Variants in ECT2L observed in about 807,000 individuals in gnomAD.
ECT2L encodes epithelial cell-transforming sequence 2 oncogene-like.
ECT2L carries 126 observed loss-of-function variants against 122.8 expected under a neutral mutation model. The observed-to-expected ratio is 1.03, with a 90% CI of 0.89 to 1.19. ECT2L has a LOEUF of 1.19. Among genes scored for constraint, ECT2L ranks in the 50% most tolerant of loss-of-function variants. The pLI is 0.00. For missense variants in ECT2L, 1,012 were observed against 1,064.1 expected, an observed-to-expected ratio of 0.95 and a Z score of 0.68; for synonymous variants, 385 against 381.8, an observed-to-expected ratio of 1.01 and a Z score of -0.10.
chr6:138,853,402 T>C (rs1777515000), intron 9 of ECT2L, among the ~76,000 whole-genome samples: 1 of 152,198 alleles, frequency 6.6e-6, no homozygotes, highest in African/African-American at 2.4e-5. Context: ...CCCTGTCACA[T>C]GAAGAAGTCC....
chr6:138,902,395 G>A, intron 21 of ECT2L, 105 bp from the exon 22 acceptor site: 2 of 1,065,302 alleles, frequency 1.9e-6, no homozygotes, highest in Non-Finnish European at 2.7e-6. Context: ...TTCTTTTTAG[G>A]TTTTAAAAAA....
intron 5 of ECT2L, among the ~76,000 whole-genome samples, chr6:138,841,600 G>A (rs1312252417): frequency 6.6e-6 from 1 of 152,178 alleles, no homozygotes; most frequent in Non-Finnish European, 1.5e-5. Context: ...GAATGCCTAA[G>A]ATTCTTTTTT....
rs570063436 is a variant in ECT2L, at chr6:138,820,199, G to C, written c.179+5596G>C. 2.6e-5 allele frequency among the ~76,000 whole-genome samples: 4 copies of C among 152,258 alleles called. No individual in the cohort carries two copies. The South Asian group carries it at 6.2e-4, about 24-fold the overall frequency. Reference sequence around the variant, plus strand: ...GTCAGGGTTGGACTAAATTCATCATGATCACTGCCTCCCCTGGATGGTGTC... The same window carrying C: ...GTCAGGGTTGGACTAAATTCATCATCATCACTGCCTCCCCTGGATGGTGTC... On this transcript the variant is annotated intron_variant, in intron 4 of 21. Coordinates refer to ENST00000541398, the MANE Select transcript of ECT2L (RefSeq NM_001077706.3).
At position 138,847,435 on chromosome 6, in the gene ECT2L, A is replaced by G. The variant is rs545959798; in HGVS notation, c.903+758A>G. 2.4e-3 allele frequency among the ~76,000 whole-genome samples: 284 copies of G among 118,710 alleles called. 2 individuals are homozygous for G. The highest frequency in any genetic ancestry group is 8.9e-3 in the African/African-American group (270 of 30,416). The allele number at this position is 118,710 out of a possible 152,430, so 77.9% of individuals were successfully genotyped here. A position where few individuals can be genotyped will look rare whatever the true frequency, so the allele number is the denominator to read the frequency against. The stretch of plus-strand genomic sequence containing the variant: ...GCCCAGGCTGGAGTGCAGTGGCGCA[A>G]TCTCGGCTCACTGCCAGCTCTGCCT... On this transcript the variant is annotated intron_variant, in intron 8 of 21. Coordinates refer to ENST00000541398, the MANE Select transcript of ECT2L (RefSeq NM_001077706.3).
rs372283078 is a variant in ECT2L, at chr6:138,889,858, A to T, written c.2414+827A>T. On this transcript the variant is annotated intron_variant, in intron 20 of 21. Coordinates refer to ENST00000541398, the MANE Select transcript of ECT2L (RefSeq NM_001077706.3). ...TACTCCTTTAGAACAAGGATGGGCA[A>T]ACTTTTCTGTAAAGGTTCACATAGT... 2.0e-5 allele frequency among the ~76,000 whole-genome samples: 3 copies of T among 152,346 alleles called. 1 individual carries two copies.
At chr6:138,897,599 CATT>C (rs1479940735) in intron 20 of ECT2L, among the ~76,000 whole-genome samples, 1 of 152,110 alleles carries the variant, frequency 6.6e-6, no homozygotes, top group Non-Finnish European at 1.5e-5. Flanking sequence ...TGTGGATAAA[CATT>C]GTTGGAGATC....
chr6:138,862,672 C>T lies in ECT2L; in HGVS notation c.1244C>T (p.Thr415Met), dbSNP rs777238666. The T allele has an allele frequency of 8.1e-6, 13 of 1,614,058 alleles. No individual in the cohort carries two copies. Among genetic ancestry groups the T allele is most frequent in the East Asian group, 4.5e-5 (2 of 44,900 alleles). ...VLSQLSQLTG[T>M]FFTAPTGIAT... ...TCCCAGCTGTCTCAACTAACTGGCA[C>T]GTTCTTTACGGCCCCCACTGGGATT... The change falls in exon 11 of 22, where the codon ACG becomes ATG. Residue 415 changes from threonine (T) to methionine (M), a missense_variant. Coordinates refer to ENST00000541398, the MANE Select transcript of ECT2L (RefSeq NM_001077706.3).
rs892649682 is a variant in ECT2L, at chr6:138,889,035, A to G, written c.2414+4A>G. 6 of 1,508,552 alleles carry G rather than the reference A, an allele frequency of 4.0e-6. No homozygotes were observed. The African/African-American group carries it at 8.4e-5, about 21-fold the overall frequency. 93.4% of individuals were successfully genotyped at this position (1,508,552 alleles called of 1,614,324 possible). On this transcript the variant is annotated splice_donor_region_variant and intron_variant, in intron 20 of 21. Transcript: ENST00000541398. ...AAGAAATAAGTTTCTCTTTAAGGTA[A>G]ACAATAGTTAACTATCCTAAGGCTG...
chr6:138,881,616 C>T (rs1430353936), intron 15 of ECT2L, among the ~76,000 whole-genome samples: 1 of 151,672 alleles, frequency 6.6e-6, no homozygotes, highest in Non-Finnish European at 1.5e-5. Flanking sequence ...GAGCCCTGAG[C>T]TTGTTTTCCT....
chr6:138,807,177 T>C (rs1775741849), intron 1 of ECT2L, among the ~76,000 whole-genome samples: 1 of 151,938 alleles, frequency 6.6e-6, no homozygotes, highest in Non-Finnish European at 1.5e-5. Context: ...TTTTGCCATG[T>C]TGTCCAAGCT....
At chr6:138,832,732 G>A (rs1321375609) in intron 4 of ECT2L, among the ~76,000 whole-genome samples, 1 of 151,394 alleles carries the variant, frequency 6.6e-6, no homozygotes, top group Non-Finnish European at 1.5e-5. Context: ...CCCATTTAGT[G>A]TCCTTGTGTT....
intron 14 of ECT2L, among the ~76,000 whole-genome samples, chr6:138,878,324 C>T (rs920407324): frequency 6.6e-6 from 1 of 152,080 alleles, no homozygotes; most frequent in South Asian, 2.1e-4. Context: ...CACACACACA[C>T]ACACACACAT....
intron 20 of ECT2L, among the ~76,000 whole-genome samples, chr6:138,891,151 TAA>T (rs1779010154): frequency 6.6e-6 from 1 of 152,166 alleles, no homozygotes; most frequent in African/African-American, 2.4e-5. Context: ...ACAGAGATCT[TAA>T]GACTGATAAA....
chr6:138,812,640 A>G (rs960168084), intron 1 of ECT2L, among the ~76,000 whole-genome samples, 198 bp from the exon 2 acceptor site: 2 of 152,084 alleles, frequency 1.3e-5, no homozygotes, highest in Non-Finnish European at 2.9e-5. Flanking sequence ...CCTTGTCTCT[A>G]TTAAAAATAC....
In ECT2L at chr6:138,843,141, G is replaced by A. The variant is rs1286271280; in HGVS notation, c.505G>A (p.Glu169Lys). The change falls in exon 6 of 22, where the codon GAA (glutamate) becomes AAA (lysine). Residue 169 changes from glutamate to lysine, a missense_variant. Physicochemically the swap from Glu to Lys is moderately conservative, Grantham distance 56 (BLOSUM62 1). Coordinates refer to ENST00000541398, the MANE Select transcript of ECT2L (RefSeq NM_001077706.3). ...TGCTGCTACTTATGGGACGCTGAAT[G>A]AACCCAAAACAGAAGATGAGGAACT... ...EAAATYGTLN[E>K]PKTEDEELLE... 6.2e-7 allele frequency: 1 copy of A among 1,613,996 alleles called. No individual in the cohort carries two copies. Among genetic ancestry groups the A allele is most frequent in the Non-Finnish European group, 8.5e-7 (1 of 1,179,972 alleles).
chr6:138,837,310 C>G (rs989010705), intron 4 of ECT2L, among the ~76,000 whole-genome samples: 10 of 152,080 alleles, frequency 6.6e-5, no homozygotes, highest in Non-Finnish European at 1.3e-4. Context: ...TGTAAACAAC[C>G]AATCTTCCAG....
intron 5 of ECT2L, among the ~76,000 whole-genome samples, chr6:138,842,505 T>C (rs546561788): frequency 7.2e-4 from 105 of 146,460 alleles, no homozygotes; most frequent in Middle Eastern, 3.9e-3. Flanking sequence ...GGTGCGGTGG[T>C]TCACACCTGT....
chr6:138,880,972 A>G lies in ECT2L; in HGVS notation c.1681A>G (p.Lys561Glu), dbSNP rs188692292. 6 of 1,613,824 alleles carry G rather than the reference A, an allele frequency of 3.7e-6. No individual in the cohort carries two copies. The highest frequency in any genetic ancestry group is 5.1e-6 in the Non-Finnish European group (6 of 1,179,872). ...TTCTCTACAGGAGAGAATACTCCAGAAGGACTCAGCAGAAAAGCGAGCTAG... is the reference window on the plus strand; with the variant it reads ...TTCTCTACAGGAGAGAATACTCCAGGAGGACTCAGCAGAAAAGCGAGCTAG... The part of the protein sequence containing the change: ...ALINLERILQ[K>E]DSAEKRARVV... The change falls in exon 15 of 22, where the codon AAG becomes GAG. Residue 561 changes from lysine (K) to glutamate (E), a missense_variant. Physicochemically the swap from Lys to Glu is moderately conservative, Grantham distance 56 (BLOSUM62 1). Transcript: ENST00000541398.
rs79294486 is a variant in ECT2L at position 138,865,022 on chromosome 6, T to C, written c.1318T>C (p.Trp440Arg). The change falls in exon 12 of 22, where the codon TGG (tryptophan) becomes CGG (arginine). Residue 440 changes from tryptophan to arginine, a missense_variant. Trp to Arg is a moderately radical substitution (Grantham distance 101). Coordinates refer to ENST00000541398, the MANE Select transcript of ECT2L (RefSeq NM_001077706.3). ...HILSDWLGSQ[W>R]GKAPSSIYFC... Reference sequence around the variant, plus strand: ...TCTTAGTGATTGGCTGGGATCCCAATGGGGAAAGGCCCCCTCTTCCATCTA... The same window carrying C: ...TCTTAGTGATTGGCTGGGATCCCAACGGGGAAAGGCCCCCTCTTCCATCTA... The C allele has an allele frequency of 1.5e-5, 25 of 1,613,472 alleles. No individual in the cohort carries two copies. The highest frequency in any genetic ancestry group is 3.5e-4 in the Middle Eastern group (2 of 5,718).
Sources: gnomAD v4.1 joint callset for allele counts (sites outside exome capture counted in the v4.1 genomes callset) on GRCh38, gnomAD v4.1.1 for gene constraint, MANE v1.5 for transcripts, NCBI Gene and HGNC (gene_info 2026-07-23, HGNC 2026-07-21) for gene names.